Variants in MYPN observed in about 807,000 individuals in gnomAD.
The protein encoded by MYPN is myopalladin, also known as sarcomeric protein myopalladin, 145 kDa (MYOP).
MYPN carries 63 observed loss-of-function variants against 129.4 expected under a neutral mutation model. The ratio of observed to expected loss-of-function variants is 0.49; its 90% CI spans 0.40 to 0.60. The LOEUF (loss-of-function observed/expected upper bound fraction) is 0.60, where lower values mean the gene tolerates loss of function less well. MYPN is among the 20% of genes least tolerant of loss of function. MYPN has a pLI of 0.00. For synonymous variants in MYPN, 629 were observed against 600.9 expected (o/e 1.05, Z -0.68); for missense variants, 1,596 against 1,635.4 (o/e 0.98, Z 0.42).
intron 2 of MYPN, among the ~76,000 whole-genome samples, chr10:68,127,536 T>C (rs1195949518): frequency 2.0e-5 from 3 of 151,602 alleles, no homozygotes; most frequent in Non-Finnish European, 4.4e-5. Flanking sequence ...GGTTTCACCA[T>C]GTTGGTCAGG....
intron 1 of MYPN, among the ~76,000 whole-genome samples, chr10:68,119,388 T>G (rs1296773553): frequency 1.8e-5 from 1 of 55,416 alleles, no homozygotes; most frequent in African/African-American, 1.1e-4. Context: ...CATTTTATTT[T>G]ATTTATTTAT....
At chr10:68,126,003 TAA>T (rs2042320544) in intron 2 of MYPN, among the ~76,000 whole-genome samples, 1 of 152,078 alleles carries the variant, frequency 6.6e-6, no homozygotes, top group African/African-American at 2.4e-5. Context: ...AGTGGTGGCT[TAA>T]AAGAGTATAT....
intron 8 of MYPN, among the ~76,000 whole-genome samples, chr10:68,165,278 C>G (rs1402242759): frequency 1.3e-5 from 2 of 152,272 alleles, no homozygotes; most frequent in South Asian, 2.1e-4. Flanking sequence ...ATGGCAAAAC[C>G]CTATCTCTAC....
At chr10:68,177,703 C>G (rs2043249810) in intron 12 of MYPN, among the ~76,000 whole-genome samples, 1 of 152,080 alleles carries the variant, frequency 6.6e-6, no homozygotes, top group African/African-American at 2.4e-5. Flanking sequence ...TGAAGAGACC[C>G]CTGTGTATTG....
chr10:68,194,117 C>A (rs1315904974), intron 13 of MYPN, among the ~76,000 whole-genome samples: 3 of 151,872 alleles, frequency 2.0e-5, no homozygotes, highest in South Asian at 2.1e-4. Context: ...TCATCTTAGT[C>A]CTAAATTATA....
chr10:68,161,651 T>C, intron 7 of MYPN, 78 bp from the exon 8 acceptor site: 1 of 1,171,562 alleles, frequency 8.5e-7, no homozygotes, highest in South Asian at 1.3e-5. Flanking sequence ...ACTGTGAAAT[T>C]CTATAGGAAG....
chr10:68,115,301 C>T (rs2042141647), intron 1 of MYPN, among the ~76,000 whole-genome samples: 1 of 149,194 alleles, frequency 6.7e-6, no homozygotes, highest in Admixed American at 6.7e-5. Context: ...ACTCTGAATA[C>T]TGCAGCTGAA....
chr10:68,189,700 C>T (rs1360398926), intron 13 of MYPN, among the ~76,000 whole-genome samples: 1 of 152,184 alleles, frequency 6.6e-6, no homozygotes, highest in African/African-American at 2.4e-5. Context: ...GGATTTCATT[C>T]ATTCTTTTTA....
chr10:68,147,556 C>T (rs995616711), intron 4 of MYPN, among the ~76,000 whole-genome samples: 92 of 152,298 alleles, frequency 6.0e-4, no homozygotes, highest in Middle Eastern at 3.4e-3. Context: ...GTCATCTATC[C>T]ATGGGTTACA....
intron 12 of MYPN, among the ~76,000 whole-genome samples, chr10:68,181,798 G>C (rs1377188107): frequency 6.6e-6 from 1 of 152,028 alleles, no homozygotes; most frequent in Non-Finnish European, 1.5e-5. Flanking sequence ...CAGGCAGGGG[G>C]CAGATGGCAA....
At chr10:68,108,186 C>T (rs1051902694), upstream of MYPN, among the ~76,000 whole-genome samples, 2 of 152,174 alleles carry the variant, frequency 1.3e-5, no homozygotes, top group Non-Finnish European at 2.9e-5. Flanking sequence ...ATCCTCTTCT[C>T]TCCTCAATAC....
chr10:68,122,272 A>G lies in MYPN; in HGVS notation c.834A>G (p.Arg278=), dbSNP rs2133996684. The change falls in exon 2 of 20, where the codon AGA becomes AGG. Residue 278 remains arginine (R), a synonymous_variant. Coordinates refer to ENST00000358913, the MANE Select transcript of MYPN (RefSeq NM_032578.4). ...GGTTCACTCAAAAGTTACGGAGCAGAGAAGTTCCAGAAGGAACTCGAGTAC... is the reference window on the plus strand; with the variant it reads ...GGTTCACTCAAAAGTTACGGAGCAGGGAAGTTCCAGAAGGAACTCGAGTAC... ...PPRFTQKLRS[R]EVPEGTRVQL... 1.9e-6 allele frequency: 3 copies of G among 1,614,030 alleles called. No individual in the cohort carries two copies. Among genetic ancestry groups the G allele is most frequent in the Non-Finnish European group, 2.5e-6 (3 of 1,179,972 alleles).
At position 68,174,518 on chromosome 10, in the gene MYPN, C is replaced by A; in HGVS notation, c.2426C>A (p.Pro809His). Residue 809 changes from proline to histidine, a missense_variant, in exon 11 of 20, where the codon CCC becomes CAC. By Grantham distance (77) the Pro-to-His change is moderately conservative. Coordinates refer to ENST00000358913, the MANE Select transcript of MYPN (RefSeq NM_032578.4). ...ATCCCCAGCGGAAACCAGTTTCAGCCCCGCTGTGTGTCCCCAATTCCTGTC... is the reference window on the plus strand; with the variant it reads ...ATCCCCAGCGGAAACCAGTTTCAGCACCGCTGTGTGTCCCCAATTCCTGTC... ...FSIPSGNQFQ[P>H]RCVSPIPVSP... 3 of 1,614,106 alleles carry A rather than the reference C, an allele frequency of 1.9e-6. No individual in the cohort carries two copies. The highest frequency in any genetic ancestry group is 2.5e-6 in the Non-Finnish European group (3 of 1,179,976).
At chr10:68,166,184 C>T (rs2043050388) in intron 9 of MYPN, 110 bp from the exon 10 acceptor site, 2 of 1,273,410 alleles carry the variant, frequency 1.6e-6, no homozygotes, top group African/African-American at 2.9e-5. Context: ...TTTTGACAAG[C>T]ATTTTCCCAT....
At chr10:68,158,726 G>A (rs1382771816) in intron 7 of MYPN, 99 bp downstream of exon 7, 2 of 907,980 alleles carry the variant, frequency 2.2e-6, no homozygotes, top group Non-Finnish European at 3.3e-6. Context: ...TAAAAATATA[G>A]TCAAAAAGAA....
chr10:68,194,378 G>A lies in MYPN; in HGVS notation c.2941G>A (p.Asp981Asn). ...TTCATTTCAGGTTTACTGGTTCAAA[G>A]ATGGGAAGCAGATTTCTAAGAGAAA... ...IPVPKVYWFK[D>N]GKQISKRNEH... The change falls in exon 14 of 20, where the codon GAT (aspartate) becomes AAT (asparagine). Residue 981 changes from aspartate to asparagine, a missense_variant. Transcript: ENST00000358913. The A allele has an allele frequency of 6.2e-7, 1 of 1,613,536 alleles. No homozygotes were observed. Among genetic ancestry groups the A allele is most frequent in the South Asian group, 1.1e-5 (1 of 91,064 alleles).
chr10:68,127,591 C>T (rs2042346812), intron 2 of MYPN, among the ~76,000 whole-genome samples: 1 of 151,792 alleles, frequency 6.6e-6, no homozygotes, highest in Non-Finnish European at 1.5e-5. Flanking sequence ...CCTCGGCCTC[C>T]CAAAGTGCTG....
chr10:68,176,739 C>T (rs564678171), intron 12 of MYPN, among the ~76,000 whole-genome samples: 6 of 152,308 alleles, frequency 3.9e-5, no homozygotes, highest in South Asian at 2.1e-4. Flanking sequence ...CAAATGCCAA[C>T]GCTACTATTC....
chr10:68,174,386 T>C lies in MYPN; in HGVS notation c.2294T>C (p.Val765Ala), dbSNP rs759184337. The C allele has an allele frequency of 3.7e-6, 6 of 1,614,140 alleles. No homozygotes were observed. The highest frequency in any genetic ancestry group is 5.1e-6 in the Non-Finnish European group (6 of 1,180,036). The change falls in exon 11 of 20, where the codon GTG (valine) becomes GCG (alanine). Residue 765 changes from valine to alanine, a missense_variant. Transcript: ENST00000358913. ...ACAGTGAGCAAAGAAAGCCTCTTAG[T>C]GTCTCACCCCTCTGTGCAAACCAAA... ...QRTVSKESLL[V>A]SHPSVQTKSP...
Sources: allele counts gnomAD v4.1 joint callset (sites outside exome capture counted in the v4.1 genomes callset), GRCh38; gene constraint gnomAD v4.1.1; transcripts MANE v1.5; gene names NCBI Gene and HGNC (gene_info 2026-07-23, HGNC 2026-07-21).